POGZ: variants seen among roughly 807,000 people sequenced by gnomAD.
POGZ encodes pogo transposable element derived with ZNF domain.
Under a neutral mutation model 134.6 loss-of-function variants are expected in POGZ, and 17 were observed. The observed-to-expected ratio is 0.13, with a 90% CI of 0.09 to 0.19. The LOEUF is 0.19. Among genes scored for constraint, POGZ ranks in the 10% least tolerant of loss-of-function variants. POGZ has a pLI of 1.00. For missense variants in POGZ, 1,306 were observed against 1,769.7 expected, an observed-to-expected ratio of 0.74 and a Z score of 4.70; for synonymous variants, 693 against 657.1, an observed-to-expected ratio of 1.05 and a Z score of -0.84.
At chr1:151,418,328 G>A (rs1656153178) in intron 10 of POGZ, among the ~76,000 whole-genome samples, 1 of 152,050 alleles carries the variant, frequency 6.6e-6, no homozygotes, top group South Asian at 2.1e-4. Flanking sequence ...AGTGAAGTAA[G>A]CCAAGCACAA....
intron 7 of POGZ, chr1:151,427,293 A>C: frequency 6.5e-6 from 1 of 153,698 alleles, no homozygotes; most frequent in East Asian, 1.9e-4. Flanking sequence ...CAGAGTCCAT[A>C]AATAGTTTTT....
intron 3 of POGZ, among the ~76,000 whole-genome samples, chr1:151,435,220 T>C (rs1171479721): frequency 6.6e-6 from 1 of 152,086 alleles, no homozygotes; most frequent in African/African-American, 2.4e-5. Context: ...TCTTTTAAGT[T>C]TACTTCCATA....
At chr1:151,457,636 G>GT (rs1342195307) in intron 1 of POGZ, among the ~76,000 whole-genome samples, 1 of 152,128 alleles carries the variant, frequency 6.6e-6, no homozygotes, top group Non-Finnish European at 1.5e-5. Context: ...GCCTACAGAA[G>GT]TAAAACCCGG....
At chr1:151,417,059 C>T (rs1162112843) in intron 10 of POGZ, among the ~76,000 whole-genome samples, 1 of 151,538 alleles carries the variant, frequency 6.6e-6, no homozygotes, top group African/African-American at 2.4e-5. Flanking sequence ...CTGATTAATT[C>T]TGTTAGATCT....
chr1:151,429,746 G>A (rs750522279), intron 4 of POGZ, 35 bp from the exon 5 acceptor site: 14 of 1,251,826 alleles, frequency 1.1e-5, no homozygotes, highest in Admixed American at 6.8e-5. Flanking sequence ...TTAACATGGA[G>A]ACCAATTAAC....
chr1:151,429,816 T>C (rs1658402980), intron 4 of POGZ, 105 bp from the exon 5 acceptor site: 6 of 529,322 alleles, frequency 1.1e-5, no homozygotes, highest in South Asian at 5.9e-5. Flanking sequence ...TCTTACTTAA[T>C]GGTTCTTTCT....
intron 3 of POGZ, among the ~76,000 whole-genome samples, chr1:151,438,846 C>T (rs532801586): frequency 2.6e-5 from 4 of 151,664 alleles, no homozygotes; most frequent in Non-Finnish European, 5.9e-5. Context: ...CACTGCACTC[C>T]AGCGTGGGTG....
intron 1 of POGZ, among the ~76,000 whole-genome samples, chr1:151,458,698 GCCCCTT>G (rs1663091580): frequency 7.3e-6 from 1 of 137,806 alleles, no homozygotes; most frequent in African/African-American, 2.6e-5. Flanking sequence ...CCCCGCCCCC[GCCCCTT>G]CCCCAGCGGG....
Position 151,459,490 on chromosome 1 carries a change from G to GATACGGCTCGTC in POGZ, c.-341_-340insGACGAGCCGTAT. The GATACGGCTCGTC allele has an allele frequency of 6.6e-6, 1 of 152,292 alleles. No individual in the cohort carries two copies. The highest frequency in any genetic ancestry group is 2.4e-5 in the African/African-American group (1 of 41,550). The allele number at this position is 152,292 out of a possible 1,614,324, so 9.4% of individuals were successfully genotyped here. A position where few individuals can be genotyped will look rare whatever the true frequency, so the allele number is the denominator to read the frequency against. On this transcript the variant is annotated 5_prime_UTR_variant, in exon 1 of 19. The change creates a new upstream start codon in the 5' untranslated region. Coordinates refer to ENST00000271715, the MANE Select transcript of POGZ (RefSeq NM_015100.4). ...CACCGACCCTCTCGCCCCGCGGAGG[G>GATACGGCTCGTC]ATACGGCTCGTCACTTCCGCCCTCC... is the stretch of plus-strand genomic sequence containing the variant.
At chr1:151,420,879 T>A (rs906163959) in intron 10 of POGZ, among the ~76,000 whole-genome samples, 15 of 152,024 alleles carry the variant, frequency 9.9e-5, no homozygotes, top group Admixed American at 3.9e-4. Flanking sequence ...CCTGTTTTTT[T>A]AAACTTTACA....
chr1:151,407,306 G>T lies in POGZ; in HGVS notation c.2376-15C>A. 2.5e-6 allele frequency: 4 copies of T among 1,593,792 alleles called. No homozygotes were observed. The highest frequency in any genetic ancestry group is 2.6e-6 in the Non-Finnish European group (3 of 1,166,100). On this transcript the variant is annotated splice_polypyrimidine_tract_variant and intron_variant, in intron 15 of 18. Coordinates refer to ENST00000271715, the MANE Select transcript of POGZ (RefSeq NM_015100.4). Reference sequence around the variant, plus strand: ...GAACATGATTGCTGAGAAAGACAAAGAAGTGGTATGAGTTACGGAGTTCTG... The same window carrying T: ...GAACATGATTGCTGAGAAAGACAAATAAGTGGTATGAGTTACGGAGTTCTG...
At position 151,406,669 on chromosome 1, in the gene POGZ, G is replaced by A. The variant is rs780179559; in HGVS notation, c.2546-38C>T. 8.3e-6 allele frequency: 13 copies of A among 1,569,884 alleles called. No homozygotes were observed. The South Asian group carries it at 1.3e-4, about 16-fold the overall frequency. On this transcript the variant is annotated intron_variant, in intron 17 of 18. Transcript: ENST00000271715. ...AAACAACAAAAATAGTTAGCTCAGTGAAAAAATAAGCCCTCCAAAGACAGT... is the reference window on the plus strand; with the variant it reads ...AAACAACAAAAATAGTTAGCTCAGTAAAAAAATAAGCCCTCCAAAGACAGT...
Position 151,423,423 on chromosome 1 carries a change from T to C in POGZ, c.1652A>G (p.Asn551Ser), listed in dbSNP as rs781492088. 4 of 1,613,936 alleles carry C rather than the reference T, an allele frequency of 2.5e-6. No individual in the cohort carries two copies. In the African/African-American group the frequency reaches 5.3e-5, roughly 22 times the overall value. Residue 551 changes from asparagine (N) to serine (S), a missense_variant, in exon 10 of 19, where the codon AAT becomes AGT. This residue lies in a region of POGZ where 541 missense variants were observed against 680.5 expected (regional missense o/e 0.80). Coordinates refer to ENST00000271715, the MANE Select transcript of POGZ (RefSeq NM_015100.4). ...TPFQLQCHLE[N>S]VHSPYESTTK... ...AGTAGATTCATAGGGACTATGAACATTTTCCAAGTGGCACTGAAGCTGGAA... is the reference window on the plus strand; with the variant it reads ...AGTAGATTCATAGGGACTATGAACACTTTCCAAGTGGCACTGAAGCTGGAA...
chr1:151,425,529 C>G (rs1022340249), intron 7 of POGZ, among the ~76,000 whole-genome samples: 1 of 152,086 alleles, frequency 6.6e-6, no homozygotes. Context: ...TCGCCTCCAC[C>G]CCGGCAACCA....
At chr1:151,443,154 A>G (rs1404619314) in intron 1 of POGZ, among the ~76,000 whole-genome samples, 1 of 152,194 alleles carries the variant, frequency 6.6e-6, no homozygotes, top group African/African-American at 2.4e-5. Context: ...TATTCTGTTC[A>G]TTATGGATTG....
intron 12 of POGZ, 135 bp from the exon 13 acceptor site, chr1:151,408,963 G>A (rs904576536): frequency 1.3e-5 from 10 of 778,274 alleles, no homozygotes; most frequent in Admixed American, 5.3e-5. Context: ...AAGAGAGTAA[G>A]AAAGAAATAT....
chr1:151,446,755 C>CAAAAA (rs11309351), intron 1 of POGZ, among the ~76,000 whole-genome samples: 25 of 70,650 alleles, frequency 3.5e-4, no homozygotes, highest in Admixed American at 7.8e-4. Context: ...GACTCCATCT[C>CAAAAA]AAAAAAAAAA....
chr1:151,405,600 A>G lies in POGZ; in HGVS notation c.3435T>C (p.Asn1145=). Residue 1145 remains asparagine (N), a synonymous_variant, in exon 19 of 19, where the codon AAT becomes AAC. Transcript: ENST00000271715. The surrounding 1 kb of genome is among the most constrained non-coding windows in gnomAD (Gnocchi z 4.9). ...CCCCTGTGCCCACTGTCTGCAGGGC[A>G]TTCTCCTTTCGATCATCACTGCTCA... ...EVLSSDDRKE[N]ALQTVGTGEP... is the part of the protein sequence containing the mutation. The G allele has an allele frequency of 6.8e-6, 11 of 1,614,176 alleles. No homozygotes were observed. The highest frequency in any genetic ancestry group is 8.5e-6 in the Non-Finnish European group (10 of 1,180,024).
chr1:151,437,605 A>C (rs1418135367), intron 3 of POGZ, among the ~76,000 whole-genome samples: 1 of 152,038 alleles, frequency 6.6e-6, no homozygotes, highest in Non-Finnish European at 1.5e-5. Flanking sequence ...TACAGAAATT[A>C]GCCGAGCATG....
Sources: gnomAD v4.1 joint callset for allele counts (sites outside exome capture counted in the v4.1 genomes callset) on GRCh38, gnomAD v4.1.1 for gene constraint, gnomAD v4.1.1 regional missense constraint, Gnocchi (gnomAD v3.1) non-coding constraint, MANE v1.5 for transcripts, NCBI Gene and HGNC (gene_info 2026-07-23, HGNC 2026-07-21) for gene names.